The following SLC35F4 variants were observed in gnomAD, a reference collection of about 807,000 sequenced individuals.
The protein encoded by SLC35F4 is chromosome 14 open reading frame 36.
A neutral mutation model predicts 44.2 loss-of-function variants in SLC35F4; 24 were observed. That is an observed-to-expected ratio of 0.54 (90% CI 0.39 to 0.76). SLC35F4 has a LOEUF of 0.76. Among genes scored for constraint, SLC35F4 ranks in the 30% least tolerant of loss-of-function variants. The pLI is 0.00. For missense variants in SLC35F4, 562 were observed against 586.1 expected (o/e 0.96, Z 0.42); for synonymous variants, 238 against 223.6 (o/e 1.06, Z -0.57).
chr14:57,978,568 G>A (rs1448110122), intron 1 of SLC35F4, among the ~76,000 whole-genome samples: 1 of 152,184 alleles, frequency 6.6e-6, no homozygotes, highest in Non-Finnish European at 1.5e-5. Context: ...TAAAGGCTCA[G>A]CTGTGACACC....
chr14:57,754,872 C>G (rs536353272), intron 1 of SLC35F4, among the ~76,000 whole-genome samples: 2 of 152,366 alleles, frequency 1.3e-5, no homozygotes, highest in South Asian at 4.1e-4. Flanking sequence ...TTTCCCTTCT[C>G]TGACTGAAGC....
At chr14:57,707,236 C>T (rs554649676) in intron 1 of SLC35F4, among the ~76,000 whole-genome samples, 1 of 152,292 alleles carries the variant, frequency 6.6e-6, no homozygotes, top group East Asian at 1.9e-4. Context: ...GACAGAGCTG[C>T]AAGCATGATA....
At chr14:57,867,415 G>A (rs1412220092), upstream of SLC35F4, among the ~76,000 whole-genome samples, 1 of 152,170 alleles carries the variant, frequency 6.6e-6, no homozygotes, top group East Asian at 1.9e-4. Flanking sequence ...GTCAATCTGA[G>A]ATTATTGTGG....
intron 1 of SLC35F4, among the ~76,000 whole-genome samples, chr14:57,634,219 G>T (rs1369737457): frequency 6.6e-6 from 1 of 152,068 alleles, no homozygotes; most frequent in African/African-American, 2.4e-5. Context: ...AGGTGAAACT[G>T]ATCACCTATC....
chr14:57,802,596 G>A (rs1244989214), intron 1 of SLC35F4, among the ~76,000 whole-genome samples: 1 of 147,702 alleles, frequency 6.8e-6, no homozygotes, highest in Non-Finnish European at 1.5e-5. Flanking sequence ...AAAGAGAGAA[G>A]ACTCAAATAA....
In SLC35F4 at chr14:57,564,056, G is replaced by T; in HGVS notation, c.*79C>A. On this transcript the variant is annotated 3_prime_UTR_variant, in exon 8 of 8. Transcript: ENST00000556826. ...ATCCAAATTCAGAGTTAATACTGTC[G>T]TTTGAGTGTACAGGTAGTGAGAAAA... 6.6e-7 allele frequency: 1 copy of T among 1,509,306 alleles called. No homozygotes were observed. The highest frequency in any genetic ancestry group is 9.0e-7 in the Non-Finnish European group (1 of 1,107,166). 93.5% of individuals were successfully genotyped at this position (1,509,306 alleles called of 1,614,324 possible).
chr14:57,571,541 A>G (rs2068505498), intron 5 of SLC35F4, among the ~76,000 whole-genome samples: 1 of 152,210 alleles, frequency 6.6e-6, no homozygotes, highest in African/African-American at 2.4e-5. Context: ...ACTGCCTGAT[A>G]AATGAGGGAT....
chr14:57,738,503 G>C (rs377380521), intron 1 of SLC35F4, among the ~76,000 whole-genome samples: 1 of 151,988 alleles, frequency 6.6e-6, no homozygotes, highest in East Asian at 1.9e-4. Context: ...CTGCCTAGCT[G>C]GTTCCTGCCA....
intron 1 of SLC35F4, among the ~76,000 whole-genome samples, chr14:57,963,897 A>AT (rs1890384977): frequency 6.6e-6 from 1 of 151,032 alleles, no homozygotes; most frequent in Non-Finnish European, 1.5e-5. Flanking sequence ...TAATTTTTTA[A>AT]TTTTTTGCAG....
In SLC35F4 at chr14:57,742,103, G is replaced by C. The variant is rs545044456; in HGVS notation, c.103+123620C>G. On this transcript the variant is annotated intron_variant, in intron 1 of 7. Coordinates refer to ENST00000556826, the MANE Select transcript of SLC35F4 (RefSeq NM_001306087.2). ...AAACATGGAAAGGAACAACCGGTACGAGCCACTGAAAAAACATGCCAAATT... is the reference window on the plus strand; with the variant it reads ...AAACATGGAAAGGAACAACCGGTACCAGCCACTGAAAAAACATGCCAAATT... Among the ~76,000 whole-genome samples, 558 of 152,184 alleles carry C rather than the reference G, an allele frequency of 3.7e-3. 2 individuals carry two copies. The highest frequency in any genetic ancestry group is 5.9e-3 in the Non-Finnish European group (399 of 68,012).
intron 1 of SLC35F4, among the ~76,000 whole-genome samples, chr14:57,789,019 G>A (rs1374650651): frequency 6.6e-6 from 1 of 152,206 alleles, no homozygotes; most frequent in African/African-American, 2.4e-5. Context: ...GCAGTGTTTA[G>A]AGGGAAACTT....
At chr14:57,897,778 G>C (rs1327753791) in intron 1 of SLC35F4, among the ~76,000 whole-genome samples, 2 of 152,126 alleles carry the variant, frequency 1.3e-5, no homozygotes, top group African/African-American at 2.4e-5. Flanking sequence ...GTTACCCAGA[G>C]CATCACTGCC....
intron 1 of SLC35F4, among the ~76,000 whole-genome samples, chr14:57,735,485 A>C (rs563464124): frequency 6.6e-6 from 1 of 152,148 alleles, no homozygotes; most frequent in Non-Finnish European, 1.5e-5. Flanking sequence ...CCTGATGTCT[A>C]GCAGTTGATG....
At chr14:57,679,855 C>T (rs1048270395) in intron 1 of SLC35F4, among the ~76,000 whole-genome samples, 1 of 151,982 alleles carries the variant, frequency 6.6e-6, no homozygotes, top group African/African-American at 2.4e-5. Flanking sequence ...CGACCAATAA[C>T]GAGTTCTGAA....
intron 1 of SLC35F4, among the ~76,000 whole-genome samples, chr14:57,926,582 C>G (rs750828525): frequency 1.8e-4 from 27 of 152,028 alleles, no homozygotes; most frequent in Non-Finnish European, 2.9e-4. Flanking sequence ...TGTATATGTG[C>G]CACTGCTTTT....
chr14:57,574,792 G>T (rs147284907), intron 4 of SLC35F4, among the ~76,000 whole-genome samples: 31 of 152,218 alleles, frequency 2.0e-4, no homozygotes, highest in African/African-American at 6.5e-4. Flanking sequence ...TTTAACTTTA[G>T]AGAGTAAATA....
intron 1 of SLC35F4, among the ~76,000 whole-genome samples, chr14:57,981,119 G>C (rs1317609483): frequency 6.6e-6 from 1 of 152,156 alleles, no homozygotes; most frequent in African/African-American, 2.4e-5. Flanking sequence ...ACAACAGCCC[G>C]GGCACTTGGG....
At position 57,827,971 on chromosome 14, in the gene SLC35F4, T is replaced by A. The variant is rs551728686; in HGVS notation, c.103+37752A>T. Among the ~76,000 whole-genome samples, 5 of 152,334 alleles carry A rather than the reference T, an allele frequency of 3.3e-5. No individual in the cohort carries two copies. In the South Asian group the frequency reaches 1.0e-3, roughly 32 times the overall value. Reference sequence around the variant, plus strand: ...ATTTGTTTTGGTCATGAAGGAGCCCTAGGATGAATCCCAAATTCTAATTGT... The same window carrying A: ...ATTTGTTTTGGTCATGAAGGAGCCCAAGGATGAATCCCAAATTCTAATTGT... On this transcript the variant is annotated intron_variant, in intron 1 of 7. Transcript: ENST00000556826.
chr14:57,725,306 C>A (rs2076175928), intron 1 of SLC35F4, among the ~76,000 whole-genome samples: 1 of 152,124 alleles, frequency 6.6e-6, no homozygotes, highest in Admixed American at 6.5e-5. Context: ...GCTGAGTGCC[C>A]AATTTGCCAG....
Sources: gnomAD v4.1 joint callset for allele counts (sites outside exome capture counted in the v4.1 genomes callset) on GRCh38, gnomAD v4.1.1 for gene constraint, MANE v1.5 for transcripts, NCBI Gene and HGNC (gene_info 2026-07-23, HGNC 2026-07-21) for gene names.